The following PARD3B variants were observed in gnomAD, a reference collection of about 807,000 sequenced individuals.
PARD3B encodes the protein partitioning defective 3 homolog B.
A neutral mutation model predicts 130.2 loss-of-function variants in PARD3B; 103 were observed. That is an observed-to-expected ratio of 0.79 (90% confidence interval 0.67 to 0.93). The LOEUF (loss-of-function observed/expected upper bound fraction) is 0.93. Ranked by LOEUF, PARD3B falls within the 40% of genes least tolerant of loss-of-function variation. PARD3B has a pLI of 0.00. For missense variants in PARD3B, 1,609 were observed against 1,499.2 expected, an observed-to-expected ratio of 1.07 and a Z score of -1.21; for synonymous variants, 583 against 553.2, an observed-to-expected ratio of 1.05 and a Z score of -0.76.
Position 204,683,502 on chromosome 2 carries a change from C to G in PARD3B, c.121-2679C>G, listed in dbSNP as rs2036936002. On this transcript the variant is annotated intron_variant, in intron 1 of 22. Transcript: ENST00000406610. ...TAAAGAGTCAGGATAAATTTATGGT[C>G]TTACGATGGCTGTAGGTTGCATATT... is the stretch of plus-strand genomic sequence containing the variant. Among the ~76,000 whole-genome samples the G allele has an allele frequency of 2.6e-5, 4 of 152,138 alleles. No individual in the cohort carries two copies. The South Asian group carries it at 8.3e-4, about 32-fold the overall frequency.
chr2:205,231,448 T>A (rs2038831109), intron 15 of PARD3B, among the ~76,000 whole-genome samples: 1 of 151,624 alleles, frequency 6.6e-6, no homozygotes, highest in Admixed American at 6.6e-5. Flanking sequence ...CACCTTAGCC[T>A]CTTGAGTAGC....
chr2:205,148,559 C>G, intron 10 of PARD3B, among the ~76,000 whole-genome samples: 1 of 152,092 alleles, frequency 6.6e-6, no homozygotes, highest in African/African-American at 2.4e-5. Context: ...TTGCAGGTGT[C>G]TTATCCTTTC....
At chr2:205,347,420 T>C (rs2043833950) in intron 18 of PARD3B, among the ~76,000 whole-genome samples, 1 of 152,258 alleles carries the variant, frequency 6.6e-6, no homozygotes, top group South Asian at 2.1e-4. Context: ...TAAACATGGT[T>C]AAGCTAACCT....
chr2:205,326,478 AC>A (rs2042944357), intron 18 of PARD3B, among the ~76,000 whole-genome samples: 1 of 152,172 alleles, frequency 6.6e-6, no homozygotes, highest in Admixed American at 6.5e-5. Context: ...GGAGGAGATG[AC>A]CAAGTCAGGC....
chr2:205,275,580 C>T (rs1427155874), intron 16 of PARD3B, among the ~76,000 whole-genome samples: 5 of 151,910 alleles, frequency 3.3e-5, no homozygotes, highest in Non-Finnish European at 7.4e-5. Context: ...TGGCTCACAC[C>T]TGTAATCCCA....
intron 22 of PARD3B, among the ~76,000 whole-genome samples, chr2:205,556,900 C>T (rs1203018719): frequency 6.6e-6 from 1 of 152,118 alleles, no homozygotes; most frequent in Admixed American, 6.5e-5. Context: ...CTCCAGCCTG[C>T]CAGCCGCTCG....
At position 205,274,211 on chromosome 2, in the gene PARD3B, T is replaced by C. The variant is rs1310296588; in HGVS notation, c.2186-26319T>C. Among the ~76,000 whole-genome samples, 1 of 152,166 alleles carries C rather than the reference T, an allele frequency of 6.6e-6. No homozygotes were observed. The highest frequency in any genetic ancestry group is 1.5e-5 in the Non-Finnish European group (1 of 68,022). On this transcript the variant is annotated intron_variant, in intron 16 of 22. Coordinates refer to ENST00000406610, the MANE Select transcript of PARD3B (RefSeq NM_001302769.2). The surrounding 1 kb of genome is among the most constrained non-coding windows in gnomAD (Gnocchi z 4.2). ...TATATTATAACCTCTGAAGAGAATTTAGTACCTATATTCTTTCTACTCTTT... is the reference window on the plus strand; with the variant it reads ...TATATTATAACCTCTGAAGAGAATTCAGTACCTATATTCTTTCTACTCTTT...
chr2:205,273,735 C>T (rs1290657708), intron 16 of PARD3B, among the ~76,000 whole-genome samples: 1 of 152,232 alleles, frequency 6.6e-6, no homozygotes. Flanking sequence ...TTGGCCAACA[C>T]CTGTTAAATG....
Position 205,142,551 on chromosome 2 carries a change from G to T in PARD3B, c.1435-16171G>T, listed in dbSNP as rs995522892. Among the ~76,000 whole-genome samples the T allele has an allele frequency of 6.6e-6, 1 of 152,080 alleles. No homozygotes were observed. The highest frequency in any genetic ancestry group is 2.4e-5 in the African/African-American group (1 of 41,406). On this transcript the variant is annotated intron_variant, in intron 10 of 22. Transcript: ENST00000406610. The surrounding 1 kb of genome is among the most constrained non-coding windows in gnomAD (Gnocchi z 4.3). ...CAAAGTTGAATTAAACATAATTTCT[G>T]CCCTTGATGAGATCACAGTGGTATA... is the stretch of plus-strand genomic sequence containing the variant.
rs1231177652 is a variant in PARD3B at position 205,146,429 on chromosome 2, C to T, written c.1435-12293C>T. Among the ~76,000 whole-genome samples the T allele has an allele frequency of 2.0e-5, 3 of 151,972 alleles. No homozygotes were observed. Among genetic ancestry groups the T allele is most frequent in the Non-Finnish European group, 4.4e-5 (3 of 67,998 alleles). On this transcript the variant is annotated intron_variant, in intron 10 of 22. Transcript: ENST00000406610. The surrounding 1 kb of genome is among the most constrained non-coding windows in gnomAD (Gnocchi z 4.3). Reference sequence around the variant, plus strand: ...TTTTGGGAGGCCGAGGTGGGCGGATCATGAGGTCAGGAGATCGAGACCATC... The same window carrying T: ...TTTTGGGAGGCCGAGGTGGGCGGATTATGAGGTCAGGAGATCGAGACCATC...
chr2:204,822,872 T>G (rs2043420055), intron 2 of PARD3B, among the ~76,000 whole-genome samples: 1 of 152,218 alleles, frequency 6.6e-6, no homozygotes, highest in Admixed American at 6.5e-5. Context: ...TTCCCCATTT[T>G]TAAGGTAAAA....
chr2:204,903,194 G>A (rs1441002220), intron 2 of PARD3B, among the ~76,000 whole-genome samples: 1 of 152,152 alleles, frequency 6.6e-6, no homozygotes, highest in Non-Finnish European at 1.5e-5. Flanking sequence ...ACCTTGTAGG[G>A]CAGAAAACAT....
chr2:204,955,503 C>T (rs2194511), intron 2 of PARD3B, among the ~76,000 whole-genome samples: 112,602 of 152,178 alleles, frequency 0.74, 42,904 homozygotes, highest in African/African-American at 0.92. Context: ...AGTGAAGATA[C>T]CCATATGGCA....
intron 16 of PARD3B, among the ~76,000 whole-genome samples, chr2:205,286,717 G>A (rs1303099608): frequency 6.6e-6 from 1 of 152,196 alleles, no homozygotes; most frequent in African/African-American, 2.4e-5. Flanking sequence ...CCTCTGTTGA[G>A]TAGTCATGAG....
intron 2 of PARD3B, among the ~76,000 whole-genome samples, chr2:204,736,468 C>A (rs1291285149): frequency 6.6e-6 from 1 of 152,100 alleles, no homozygotes; most frequent in African/African-American, 2.4e-5. Context: ...TATTATATCA[C>A]TCTGCATGCC....
chr2:205,454,442 G>A (rs192396696), intron 20 of PARD3B, among the ~76,000 whole-genome samples: 2 of 152,230 alleles, frequency 1.3e-5, no homozygotes, highest in Non-Finnish European at 2.9e-5. Context: ...ATTTTAAGGA[G>A]ACGTTTTAAT....
Position 205,525,589 on chromosome 2 carries a change from A to T in PARD3B, c.3180+25558A>T, listed in dbSNP as rs919137507. ...TGGTTGCATGACTTTATTAGCTCCTAGACTGAGGTCTATTGTGCGGATGCT... is the reference window on the plus strand; with the variant it reads ...TGGTTGCATGACTTTATTAGCTCCTTGACTGAGGTCTATTGTGCGGATGCT... On this transcript the variant is annotated intron_variant, in intron 21 of 22. Coordinates refer to ENST00000406610, the MANE Select transcript of PARD3B (RefSeq NM_001302769.2). The surrounding 1 kb of genome is among the most constrained non-coding windows in gnomAD (Gnocchi z 4.2). Among the ~76,000 whole-genome samples, 3 of 152,210 alleles carry T rather than the reference A, an allele frequency of 2.0e-5. No individual in the cohort carries two copies. The highest frequency in any genetic ancestry group is 4.4e-5 in the Non-Finnish European group (3 of 68,044).
At chr2:205,376,098 TC>T (rs979397871) in intron 18 of PARD3B, among the ~76,000 whole-genome samples, 16 of 152,156 alleles carry the variant, frequency 1.1e-4, no homozygotes, top group Admixed American at 1.0e-3. Flanking sequence ...CGGGCACTGT[TC>T]CAAGGACTTT....
At chr2:205,381,954 G>T (rs1174058672) in intron 18 of PARD3B, among the ~76,000 whole-genome samples, 2 of 151,840 alleles carry the variant, frequency 1.3e-5, no homozygotes, top group Non-Finnish European at 2.9e-5. Context: ...TTCAGTTTTA[G>T]ACTACCAGAA....
Sources: allele counts gnomAD v4.1 joint callset (sites outside exome capture counted in the v4.1 genomes callset), GRCh38; gene constraint gnomAD v4.1.1; non-coding constraint Gnocchi (gnomAD v3.1); transcripts MANE v1.5; gene names NCBI Gene and HGNC (gene_info 2026-07-23, HGNC 2026-07-21).